The following KCNJ6 variants were observed in gnomAD, a reference collection of about 807,000 sequenced individuals.
KCNJ6 encodes the protein G protein-activated inward rectifier potassium channel 2.
KCNJ6 carries 9 observed loss-of-function variants against 34.2 expected under a neutral mutation model. That is an observed-to-expected ratio of 0.26 (90% CI 0.16 to 0.46). The LOEUF is 0.46. Among genes scored for constraint, KCNJ6 ranks in the 20% least tolerant of loss-of-function variants. KCNJ6 has a pLI of 1.00. For missense variants in KCNJ6, 236 were observed against 531.3 expected (o/e 0.44, Z 5.46); for synonymous variants, 196 against 207.1 (o/e 0.95, Z 0.46).
intron 3 of KCNJ6, among the ~76,000 whole-genome samples, chr21:37,661,818 C>T (rs530700328): frequency 1.3e-4 from 20 of 150,590 alleles, no homozygotes; most frequent in East Asian, 3.9e-4. Flanking sequence ...TTAGTACAGA[C>T]GGGGTTTCAC....
At chr21:37,904,911 G>C (rs1482991412) in intron 1 of KCNJ6, among the ~76,000 whole-genome samples, 1 of 152,196 alleles carries the variant, frequency 6.6e-6, no homozygotes, top group East Asian at 1.9e-4. Flanking sequence ...AACTCTGCCA[G>C]CCAAAACCTT....
intron 3 of KCNJ6, among the ~76,000 whole-genome samples, chr21:37,685,457 G>A (rs1199161016): frequency 3.4e-5 from 5 of 146,044 alleles, no homozygotes; most frequent in African/African-American, 1.0e-4. Context: ...CAAGGCGGGC[G>A]GATCACAAGT....
At chr21:37,915,372 A>C (rs555928940) in intron 1 of KCNJ6, among the ~76,000 whole-genome samples, 1 of 152,308 alleles carries the variant, frequency 6.6e-6, no homozygotes, top group Non-Finnish European at 1.5e-5. Flanking sequence ...GTTAGGAGTT[A>C]CAGTATTCTG....
intron 3 of KCNJ6, among the ~76,000 whole-genome samples, chr21:37,645,270 A>G (rs2054398939): frequency 6.6e-6 from 1 of 152,044 alleles, no homozygotes; most frequent in Non-Finnish European, 1.5e-5. Flanking sequence ...GAGGCTGAAT[A>G]GGGAGGATTG....
In KCNJ6 at chr21:37,612,459, A is replaced by C. The variant is rs1343257957; in HGVS notation, c.*12700T>G. 1 of 152,220 alleles carries C rather than the reference A, an allele frequency of 6.6e-6. No individual in the cohort carries two copies. Among genetic ancestry groups the C allele is most frequent in the Non-Finnish European group, 1.5e-5 (1 of 68,036 alleles). The allele number at this position is 152,220 out of a possible 1,614,324, so 9.4% of individuals were successfully genotyped here. ...CTGTAGATTAAATACAATCCCAATA[A>C]AAATCTCAGCAAGTTATTTTGTTGG... is the stretch of plus-strand genomic sequence containing the variant. On this transcript the variant is annotated 3_prime_UTR_variant, in exon 4 of 4. Transcript: ENST00000609713.
In KCNJ6 at chr21:37,661,628, T is replaced by C. The variant is rs1033557410; in HGVS notation, c.947-36144A>G. On this transcript the variant is annotated intron_variant, in intron 3 of 3. Transcript: ENST00000609713. ...TAAGAGACATAGTTTTTTTTTTTTT[T>C]TTTTTTTTTTTTGAGACTGGAGTCT... is the stretch of plus-strand genomic sequence containing the variant. Among the ~76,000 whole-genome samples the C allele has an allele frequency of 5.4e-5, 7 of 130,118 alleles. 1 individual carries two copies. Among genetic ancestry groups the C allele is most frequent in the East Asian group, 2.1e-4 (1 of 4,734 alleles). 85.4% of individuals were successfully genotyped at this position (130,118 alleles called of 152,430 possible). A position where few individuals can be genotyped will look rare whatever the true frequency, so the allele number is the denominator to read the frequency against.
At chr21:37,868,122 T>C (rs1257859679) in intron 1 of KCNJ6, among the ~76,000 whole-genome samples, 3 of 152,210 alleles carry the variant, frequency 2.0e-5, no homozygotes, top group Admixed American at 2.0e-4. Flanking sequence ...TATCTGGCCA[T>C]GTTGCCTCCA....
intron 3 of KCNJ6, among the ~76,000 whole-genome samples, chr21:37,672,837 G>T (rs146511129): frequency 6.6e-6 from 1 of 152,064 alleles, no homozygotes; most frequent in Non-Finnish European, 1.5e-5. Flanking sequence ...GGAGTGCAGT[G>T]GTACCATCAC....
chr21:37,882,884 G>A (rs1446711501), intron 1 of KCNJ6, among the ~76,000 whole-genome samples: 1 of 152,172 alleles, frequency 6.6e-6, no homozygotes, highest in Non-Finnish European at 1.5e-5. Context: ...ATAGTCATAG[G>A]GCTTGTGTGT....
At chr21:37,873,385 C>T (rs137972833) in intron 1 of KCNJ6, among the ~76,000 whole-genome samples, 6 of 152,236 alleles carry the variant, frequency 3.9e-5, no homozygotes, top group African/African-American at 1.4e-4. Flanking sequence ...TGAGACTAAA[C>T]CAGGTGAATA....
chr21:37,815,736 CGAA>C (rs2055343652), intron 2 of KCNJ6, among the ~76,000 whole-genome samples: 1 of 152,150 alleles, frequency 6.6e-6, no homozygotes, highest in Non-Finnish European at 1.5e-5. Flanking sequence ...GGCTCAGACT[CGAA>C]GGAGCAGGGA....
chr21:37,698,596 C>T (rs1255881516), intron 3 of KCNJ6, among the ~76,000 whole-genome samples: 1 of 152,204 alleles, frequency 6.6e-6, no homozygotes, highest in Non-Finnish European at 1.5e-5. Context: ...GTGGCACCAT[C>T]ATAGCTCACT....
intron 3 of KCNJ6, among the ~76,000 whole-genome samples, chr21:37,655,853 C>G (rs1227665153): frequency 3.9e-5 from 6 of 152,210 alleles, no homozygotes; most frequent in Non-Finnish European, 7.3e-5. Flanking sequence ...ACTTCTGTTT[C>G]TGTATTTGGC....
chr21:37,900,908 A>G (rs2123645034), intron 1 of KCNJ6, among the ~76,000 whole-genome samples: 1 of 152,350 alleles, frequency 6.6e-6, no homozygotes, highest in South Asian at 2.1e-4. Flanking sequence ...ATCAAATAAC[A>G]ATATCAGTCA....
intron 1 of KCNJ6, among the ~76,000 whole-genome samples, chr21:37,905,353 G>C (rs189699111): frequency 1.2e-3 from 178 of 152,210 alleles, no homozygotes; most frequent in Non-Finnish European, 1.7e-3. Context: ...ACTTTTCCAA[G>C]AGCTATGAGC....
intron 2 of KCNJ6, among the ~76,000 whole-genome samples, chr21:37,824,714 T>A (rs1203127463): frequency 6.6e-6 from 1 of 152,204 alleles, no homozygotes; most frequent in Non-Finnish European, 1.5e-5. Context: ...ATGTAAGACG[T>A]GCTTGCTTCT....
intron 3 of KCNJ6, among the ~76,000 whole-genome samples, chr21:37,625,729 G>A (rs1259707231): frequency 6.6e-6 from 1 of 152,238 alleles, no homozygotes; most frequent in East Asian, 1.9e-4. Flanking sequence ...ACATTTGCCT[G>A]CATGGCCATG....
intron 1 of KCNJ6, among the ~76,000 whole-genome samples, chr21:37,890,425 C>T (rs930594171): frequency 1.4e-4 from 21 of 152,162 alleles, no homozygotes; most frequent in African/African-American, 5.1e-4. Flanking sequence ...AGCCAAATCA[C>T]ATCAACTTCT....
chr21:37,763,250 G>T (rs1036985682), intron 2 of KCNJ6, among the ~76,000 whole-genome samples: 1 of 152,162 alleles, frequency 6.6e-6, no homozygotes, highest in Non-Finnish European at 1.5e-5. Flanking sequence ...TGTAGGGGGG[G>T]CCTGCAGACA....
Sources: allele counts gnomAD v4.1 joint callset (sites outside exome capture counted in the v4.1 genomes callset), GRCh38; gene constraint gnomAD v4.1.1; transcripts MANE v1.5; gene names NCBI Gene and HGNC (gene_info 2026-07-23, HGNC 2026-07-21).